Variants in RAD54L2 observed in about 807,000 individuals in gnomAD.
RAD54L2 encodes the protein RAD54 like 2.
In RAD54L2, 27 loss-of-function variants were observed where a neutral mutation model predicts 138.4. The ratio of observed to expected loss-of-function variants is 0.20; its 90% CI spans 0.14 to 0.27. The LOEUF is 0.27. Among genes scored for constraint, RAD54L2 ranks in the 10% least tolerant of loss-of-function variants. RAD54L2 has a pLI of 1.00. For missense variants in RAD54L2, 1,396 were observed against 1,890.2 expected, an observed-to-expected ratio of 0.74 and a Z score of 4.85; for synonymous variants, 644 against 723.2, an observed-to-expected ratio of 0.89 and a Z score of 1.76.
At chr3:51,550,155 C>G (rs746861992) in intron 2 of RAD54L2, among the ~76,000 whole-genome samples, 1 of 152,098 alleles carries the variant, frequency 6.6e-6, no homozygotes, top group Non-Finnish European at 1.5e-5. Context: ...TTGAGCTGAT[C>G]GCTCTCTGCC....
intron 3 of RAD54L2, among the ~76,000 whole-genome samples, chr3:51,626,845 G>A (rs1700704441): frequency 6.6e-6 from 1 of 152,080 alleles, no homozygotes. Flanking sequence ...ATCATTACAT[G>A]TATTAGTATC....
chr3:51,558,981 C>G lies in RAD54L2; in HGVS notation c.-55+17331C>G, dbSNP rs542676161. On this transcript the variant is annotated intron_variant, in intron 2 of 22. Transcript: ENST00000684192. The stretch of plus-strand genomic sequence containing the variant: ...CTCTGCCTCCCACGTTTAAGCAATT[C>G]TACTGCCTTAACCTCCCTAGTAGCT... Among the ~76,000 whole-genome samples the G allele has an allele frequency of 2.0e-5, 3 of 152,248 alleles. No individual in the cohort carries two copies. The Middle Eastern group carries it at 0.01, about 518-fold the overall frequency.
rs199714514 is a variant in RAD54L2 at position 51,627,554 on chromosome 3, C to T, written c.141C>T (p.Asp47=). The T allele has an allele frequency of 3.2e-4, 497 of 1,550,458 alleles. No individual in the cohort carries two copies. The highest frequency in any genetic ancestry group is 3.9e-4 in the Non-Finnish European group (450 of 1,147,124). The change falls in exon 4 of 23, where the codon GAC becomes GAT. Residue 47 remains aspartate (D), a splice_region_variant and synonymous_variant. Transcript: ENST00000684192. ...ATGTCTTTCCCCTTGTTTTTTCAGA[C>T]CCATCCCTGGAAGGCATGTGTGGCA... ...DRDDEEDLLD[D]PSLEGMCGTE...
intron 1 of RAD54L2, among the ~76,000 whole-genome samples, chr3:51,539,730 G>A (rs556510364): frequency 6.6e-6 from 1 of 152,308 alleles, no homozygotes; most frequent in Non-Finnish European, 1.5e-5. Context: ...ACTTTGCAGA[G>A]TGGGCTTCCT....
chr3:51,575,756 A>G lies in RAD54L2; in HGVS notation c.-54-14611A>G, dbSNP rs534704461. 1.4e-4 allele frequency among the ~76,000 whole-genome samples: 21 copies of G among 152,292 alleles called. No individual in the cohort carries two copies. In the East Asian group the frequency reaches 2.5e-3, roughly 18 times the overall value. ...CTTAAGGAGATTTTGGGCTGAGACA[A>G]TGGGGTTTTCTAAGTATACAATCAT... On this transcript the variant is annotated intron_variant, in intron 2 of 22. Transcript: ENST00000684192.
At chr3:51,628,307 AAAT>A (rs1390416894) in intron 4 of RAD54L2, among the ~76,000 whole-genome samples, 2 of 152,188 alleles carry the variant, frequency 1.3e-5, no homozygotes, top group Admixed American at 1.3e-4. Flanking sequence ...TTAAAAAAAA[AAAT>A]AACGACAACT....
chr3:51,668,325 G>C lies in RAD54L2; in HGVS notation c.*4905G>C, dbSNP rs1701954193. On this transcript the variant is annotated 3_prime_UTR_variant, in exon 23 of 23. Transcript: ENST00000684192. ...CCAGACTGCTGCCAGGAGGAGTGGG[G>C]GATAATGAGGTGGCCCCAGGGTCCT... is the stretch of plus-strand genomic sequence containing the variant. 6.6e-6 allele frequency: 1 copy of C among 152,240 alleles called. No homozygotes were observed. The highest frequency in any genetic ancestry group is 2.4e-5 in the African/African-American group (1 of 41,430). 9.4% of individuals were successfully genotyped at this position (152,240 alleles called of 1,614,324 possible).
intron 3 of RAD54L2, among the ~76,000 whole-genome samples, chr3:51,615,936 C>T (rs181883156): frequency 6.6e-4 from 100 of 152,056 alleles, no homozygotes; most frequent in African/African-American, 2.2e-3. Context: ...TTTCTTCCTA[C>T]TACTTTTCTG....
intron 2 of RAD54L2, among the ~76,000 whole-genome samples, chr3:51,554,150 C>T (rs1015773124): frequency 2.6e-5 from 4 of 151,978 alleles, no homozygotes; most frequent in East Asian, 1.9e-4. Context: ...GTAGGCTGGG[C>T]GTGATCAAGA....
intron 3 of RAD54L2, among the ~76,000 whole-genome samples, chr3:51,610,350 T>C (rs1348065353): frequency 6.6e-6 from 1 of 152,130 alleles, no homozygotes; most frequent in Non-Finnish European, 1.5e-5. Flanking sequence ...ACGCCTGTAA[T>C]CCCAGCACTT....
At position 51,633,712 on chromosome 3, in the gene RAD54L2, G is replaced by A. The variant is rs147379407; in HGVS notation, c.961G>A (p.Val321Ile). 1.1e-5 allele frequency: 17 copies of A among 1,613,750 alleles called. No individual in the cohort carries two copies. The African/African-American group carries it at 1.1e-4, about 10-fold the overall frequency. The change falls in exon 8 of 23, where the codon GTC becomes ATC. Residue 321 changes from valine to isoleucine, a missense_variant. Physicochemically the swap from Val to Ile is conservative, Grantham distance 29. Transcript: ENST00000684192. ...KTLQVISFID[V>I]LFRHTPAKTV... ...TTTGCAAGTGATCTCTTTCATCGAC[G>A]TCCTCTTCCGCCACACGCCAGCCAA...
At chr3:51,565,218 CA>C (rs1462715613) in intron 2 of RAD54L2, among the ~76,000 whole-genome samples, 2 of 152,072 alleles carry the variant, frequency 1.3e-5, no homozygotes, top group African/African-American at 4.8e-5. Flanking sequence ...CCTGTTGCTA[CA>C]AAAAGTGAAA....
At chr3:51,540,288 AC>A (rs1159099816) in intron 1 of RAD54L2, among the ~76,000 whole-genome samples, 1 of 152,226 alleles carries the variant, frequency 6.6e-6, no homozygotes, top group Admixed American at 6.5e-5. Flanking sequence ...ATCTTCTCTT[AC>A]TGCCATGAAG....
intron 2 of RAD54L2, among the ~76,000 whole-genome samples, chr3:51,564,812 C>T (rs1261414893): frequency 2.0e-5 from 3 of 152,056 alleles, no homozygotes; most frequent in African/African-American, 7.2e-5. Context: ...AAGAAACTGG[C>T]TCAAATATAA....
chr3:51,593,088 C>G (rs546578726), intron 3 of RAD54L2, among the ~76,000 whole-genome samples: 3 of 152,080 alleles, frequency 2.0e-5, no homozygotes, highest in African/African-American at 7.2e-5. Context: ...GGTTCTCAAC[C>G]TGGTATGATT....
chr3:51,644,334 A>G (rs1489706410), intron 16 of RAD54L2, among the ~76,000 whole-genome samples: 1 of 152,076 alleles, frequency 6.6e-6, no homozygotes, highest in African/African-American at 2.4e-5. Context: ...GGTCCCAGCT[A>G]CTTGGGAGGC....
At chr3:51,647,555 G>C (rs1701312924) in intron 19 of RAD54L2, among the ~76,000 whole-genome samples, 1 of 152,096 alleles carries the variant, frequency 6.6e-6, no homozygotes, top group South Asian at 2.1e-4. Context: ...TGTAATCCCA[G>C]CTACTCGGGA....
rs927365945 is a variant in RAD54L2, at chr3:51,665,869, A to G, written c.*2449A>G. ...GTATTTCTGTGTTCACTTCTAGGAA[A>G]TCACTGTACTAGCCTCCAAGAATCC... On this transcript the variant is annotated 3_prime_UTR_variant, in exon 23 of 23. Coordinates refer to ENST00000684192, the MANE Select transcript of RAD54L2 (RefSeq NM_015106.4). 2 of 152,178 alleles carry G rather than the reference A, an allele frequency of 1.3e-5. No individual in the cohort carries two copies. The highest frequency in any genetic ancestry group is 2.9e-5 in the Non-Finnish European group (2 of 68,040). 9.4% of individuals were successfully genotyped at this position (152,178 alleles called of 1,614,324 possible). A position where few individuals can be genotyped will look rare whatever the true frequency, so the allele number is the denominator to read the frequency against.
intron 3 of RAD54L2, among the ~76,000 whole-genome samples, chr3:51,607,878 G>A (rs1360889082): frequency 4.0e-5 from 6 of 148,998 alleles, no homozygotes; most frequent in Admixed American, 3.3e-4. Flanking sequence ...GGCGGCGGCC[G>A]GGCGGGGGCT....
Sources: allele counts gnomAD v4.1 joint callset (sites outside exome capture counted in the v4.1 genomes callset), GRCh38; gene constraint gnomAD v4.1.1; transcripts MANE v1.5; gene names NCBI Gene and HGNC (gene_info 2026-07-23, HGNC 2026-07-21).